NR3C1: variants seen among roughly 807,000 people sequenced by gnomAD.
The protein encoded by NR3C1 is nuclear receptor subfamily 3 group C member 1, also known as glucocorticoid receptor.
In NR3C1, 14 loss-of-function variants were observed where a neutral mutation model predicts 74.0. That is an observed-to-expected ratio of 0.19 (90% CI 0.12 to 0.30). NR3C1 has a LOEUF of 0.30. NR3C1 is among the 10% of genes least tolerant of loss of function. NR3C1 has a pLI of 1.00. For synonymous variants in NR3C1, 308 were observed against 332.5 expected (o/e 0.93, Z 0.80); for missense variants, 695 against 909.8 (o/e 0.76, Z 3.04).
At chr5:143,363,708 T>C (rs1425054322) in intron 2 of NR3C1, among the ~76,000 whole-genome samples, 1 of 152,078 alleles carries the variant, frequency 6.6e-6, no homozygotes, top group African/African-American at 2.4e-5. Flanking sequence ...ATAGCAATGA[T>C]AAAACTGAAC....
At chr5:143,333,254 G>A in intron 2 of NR3C1, 1 of 1,266,526 alleles carries the variant, frequency 7.9e-7, no homozygotes, top group East Asian at 2.4e-5. Context: ...AGGTGAGGCA[G>A]GGCTGAAAAC....
intron 2 of NR3C1, among the ~76,000 whole-genome samples, chr5:143,373,337 A>T (rs140218689): frequency 6.6e-6 from 1 of 152,210 alleles, no homozygotes; most frequent in African/African-American, 2.4e-5. Context: ...GGAACAGAGA[A>T]ATGTATGTAC....
chr5:143,385,758 C>G (rs147561455), intron 2 of NR3C1, among the ~76,000 whole-genome samples: 1 of 152,296 alleles, frequency 6.6e-6, no homozygotes, highest in African/African-American at 2.4e-5. Context: ...GCATTTTGGT[C>G]AAAACCATTC....
chr5:143,310,484 C>G (rs1197816648), intron 3 of NR3C1, among the ~76,000 whole-genome samples: 1 of 152,004 alleles, frequency 6.6e-6, no homozygotes, highest in Non-Finnish European at 1.5e-5. Flanking sequence ...AATCAGTGAA[C>G]CATTTAATAA....
intron 2 of NR3C1, among the ~76,000 whole-genome samples, chr5:143,348,101 T>C (rs1829618495): frequency 6.6e-6 from 1 of 152,204 alleles, no homozygotes; most frequent in Admixed American, 6.5e-5. Flanking sequence ...CAAGGTTTCT[T>C]GAGCATTCTA....
At chr5:143,379,688 T>TA (rs1434609812) in intron 2 of NR3C1, among the ~76,000 whole-genome samples, 1 of 152,200 alleles carries the variant, frequency 6.6e-6, no homozygotes, top group Non-Finnish European at 1.5e-5. Context: ...GCCTAGGTCT[T>TA]AAAGAGTTTT....
rs61751252 is a variant in NR3C1, at chr5:143,390,430, T to C, written c.1184+9226A>G. Among the ~76,000 whole-genome samples the C allele has an allele frequency of 1.4e-3, 212 of 152,256 alleles. 2 individuals carry two copies. The highest frequency in any genetic ancestry group is 0.014 in the South Asian group (67 of 4,824). ...AGAAATTAAACTGTTTGGGAGACTG[T>C]TGTAGGAATTCACATTATGTTTACT... On this transcript the variant is annotated intron_variant, in intron 2 of 8. Coordinates refer to ENST00000394464, the MANE Select transcript of NR3C1 (RefSeq NM_000176.3).
At chr5:143,313,879 C>T (rs1176030926) in intron 3 of NR3C1, 123 bp downstream of exon 3, 1 of 983,538 alleles carries the variant, frequency 1.0e-6, no homozygotes, top group African/African-American at 1.6e-5. Context: ...GAGCCACCCT[C>T]CTCTCCCCTC....
chr5:143,299,047 C>A (rs1454234118), intron 5 of NR3C1, among the ~76,000 whole-genome samples: 6 of 130,656 alleles, frequency 4.6e-5, no homozygotes, highest in African/African-American at 1.7e-4. Context: ...CAAAGTCTTG[C>A]TCTGTCACCC....
chr5:143,314,037 C>T lies in NR3C1; in HGVS notation c.1316G>A (p.Gly439Glu). ...SGCHYGVLTC[G>E]SCKVFFKRAV... ...TCTTTTGAAGAAAACTTTACAGCTT[C>T]CACAAGTTAAGACTCCATAATGACA... The change falls in exon 3 of 9, where the codon GGA becomes GAA. Residue 439 changes from glycine to glutamate, a missense_variant. Transcript: ENST00000394464. 1.2e-6 allele frequency: 2 copies of T among 1,613,714 alleles called. No homozygotes were observed. The highest frequency in any genetic ancestry group is 1.7e-6 in the Non-Finnish European group (2 of 1,179,684).
intron 1 of NR3C1, 116 bp downstream of exon 1, chr5:143,403,094 CT>C: frequency 3.4e-6 from 3 of 871,592 alleles, no homozygotes; most frequent in South Asian, 5.2e-5. Flanking sequence ...CCCACCCCCA[CT>C]CCCCGAGGCT....
At chr5:143,373,358 A>G (rs1354119855) in intron 2 of NR3C1, among the ~76,000 whole-genome samples, 3 of 152,216 alleles carry the variant, frequency 2.0e-5, no homozygotes, top group African/African-American at 7.2e-5. Flanking sequence ...TGTATTCATT[A>G]AAAGGCTTAA....
At chr5:143,433,460 A>ATATAGAATTTATTTATTTAAAT (rs1561822117) in intron 1 of NR3C1, among the ~76,000 whole-genome samples, 1 of 146,004 alleles carries the variant, frequency 6.8e-6, no homozygotes, top group Non-Finnish European at 1.5e-5. Context: ...AATTATATAT[A>ATATAGAATTTATTTATTTAAAT]TATATATATA....
At chr5:143,308,312 C>G (rs1820100485) in intron 4 of NR3C1, among the ~76,000 whole-genome samples, 1 of 151,828 alleles carries the variant, frequency 6.6e-6, no homozygotes, top group African/African-American at 2.4e-5. Context: ...AAAATTAAAA[C>G]AAAAATTAAA....
At chr5:143,358,169 C>T (rs1374236500) in intron 2 of NR3C1, among the ~76,000 whole-genome samples, 1 of 152,124 alleles carries the variant, frequency 6.6e-6, no homozygotes, top group African/African-American at 2.4e-5. Context: ...TCCCGTTCAC[C>T]ACCCCAATAA....
intron 2 of NR3C1, among the ~76,000 whole-genome samples, chr5:143,354,184 G>C (rs1830703213): frequency 6.6e-6 from 1 of 152,222 alleles, no homozygotes. Context: ...GGAATGTTGT[G>C]AATGGTTTGA....
intron 1 of NR3C1, chr5:143,402,837 C>T (rs10482614): frequency 0.16 from 156,007 of 985,192 alleles, 12,785 homozygotes; most frequent in African/African-American, 0.18. Context: ...GCGTTCACCA[C>T]GAAAACGGGT....
chr5:143,297,386 A>AATT (rs1414667926), intron 6 of NR3C1, among the ~76,000 whole-genome samples: 2 of 152,230 alleles, frequency 1.3e-5, no homozygotes, highest in African/African-American at 4.8e-5. Flanking sequence ...AATTCCACTT[A>AATT]AATGCCTTCA....
chr5:143,416,733 A>G (rs2151957656), intron 1 of NR3C1, among the ~76,000 whole-genome samples: 1 of 152,302 alleles, frequency 6.6e-6, no homozygotes, highest in South Asian at 2.1e-4. Context: ...GACATGGAGG[A>G]TGACCCCAAA....
Sources: allele counts gnomAD v4.1 joint callset (sites outside exome capture counted in the v4.1 genomes callset), GRCh38; gene constraint gnomAD v4.1.1; transcripts MANE v1.5; gene names NCBI Gene and HGNC (gene_info 2026-07-23, HGNC 2026-07-21).